The following OTOGL variants were observed in gnomAD, a reference collection of about 807,000 sequenced individuals.
OTOGL encodes otogelin-like protein.
Under a neutral mutation model 318.5 loss-of-function variants are expected in OTOGL, and 285 were observed. The ratio of observed to expected loss-of-function variants is 0.89; its 90% CI spans 0.81 to 0.99. The LOEUF (loss-of-function observed/expected upper bound fraction) is 0.99. OTOGL is among the 50% of genes least tolerant of loss of function. OTOGL has a pLI of 0.00. For missense variants in OTOGL, 2,899 were observed against 2,845.6 expected, an observed-to-expected ratio of 1.02 and a Z score of -0.43; for synonymous variants, 987 against 936.5, an observed-to-expected ratio of 1.05 and a Z score of -0.99.
intron 1 of OTOGL, among the ~76,000 whole-genome samples, chr12:80,205,274 T>C (rs940498633): frequency 2.0e-5 from 3 of 152,164 alleles, no homozygotes; most frequent in African/African-American, 4.8e-5. Context: ...GATGCTAAAA[T>C]GTTGACAAGA....
intron 1 of OTOGL, among the ~76,000 whole-genome samples, chr12:80,118,356 A>C (rs549505509): frequency 5.3e-5 from 8 of 152,278 alleles, no homozygotes; most frequent in African/African-American, 1.7e-4. Context: ...CTGATTTTGC[A>C]ATGATGGGTA....
At chr12:80,258,640 A>T (rs965225688) in intron 18 of OTOGL, among the ~76,000 whole-genome samples, 1 of 152,158 alleles carries the variant, frequency 6.6e-6, no homozygotes, top group Non-Finnish European at 1.5e-5. Context: ...TTATCATGCT[A>T]AAAGCACAAT....
At chr12:80,174,413 A>G (rs1379129048) in intron 1 of OTOGL, among the ~76,000 whole-genome samples, 1 of 152,200 alleles carries the variant, frequency 6.6e-6, no homozygotes, top group Non-Finnish European at 1.5e-5. Flanking sequence ...GTTTGCAAAA[A>G]CAAGCTTTAG....
At chr12:80,173,977 GA>G (rs1179450674) in intron 1 of OTOGL, among the ~76,000 whole-genome samples, 1 of 152,152 alleles carries the variant, frequency 6.6e-6, no homozygotes, top group Non-Finnish European at 1.5e-5. Context: ...TTCAATTTAA[GA>G]AAACATTGAG....
rs80100971 is a variant in OTOGL at position 80,156,647 on chromosome 12, C to T, written c.-19-52766C>T. ...CTCATGAGATCTGATCATTTTATAA[C>T]GAGGAGTTCCCCAGCACAAATTCCC... On this transcript the variant is annotated intron_variant, in intron 1 of 58. Coordinates refer to ENST00000547103, the MANE Select transcript of OTOGL (RefSeq NM_001378609.3). Among the ~76,000 whole-genome samples the T allele has an allele frequency of 3.5e-3, 540 of 152,132 alleles. 9 individuals carry two copies. Among genetic ancestry groups the T allele is most frequent in the Middle Eastern group, 0.024 (7 of 294 alleles).
In OTOGL at chr12:80,316,564, G is replaced by A. The variant is rs115052591; in HGVS notation, c.3635-1982G>A. On this transcript the variant is annotated intron_variant, in intron 32 of 58. Transcript: ENST00000547103. ...TTCTTCTAGTTTCATTTGTAATACC[G>A]TATTGATAATATCAGAGCATGAACA... 1.5e-3 allele frequency among the ~76,000 whole-genome samples: 222 copies of A among 152,182 alleles called. 4 individuals carry two copies. The highest frequency in any genetic ancestry group is 5.1e-3 in the African/African-American group (210 of 41,528).
chr12:80,143,648 G>A (rs1305242801), intron 1 of OTOGL, among the ~76,000 whole-genome samples: 1 of 152,132 alleles, frequency 6.6e-6, no homozygotes, highest in Non-Finnish European at 1.5e-5. Context: ...GCTCAAGTCA[G>A]AGGTTCATTT....
At chr12:80,158,479 G>T (rs1430100960) in intron 1 of OTOGL, among the ~76,000 whole-genome samples, 3 of 152,016 alleles carry the variant, frequency 2.0e-5, no homozygotes, top group Non-Finnish European at 4.4e-5. Flanking sequence ...AAATGGCCTT[G>T]CAGAATTGGT....
chr12:80,146,506 G>C (rs1270256673), intron 1 of OTOGL, among the ~76,000 whole-genome samples: 2 of 151,654 alleles, frequency 1.3e-5, no homozygotes, highest in Admixed American at 6.6e-5. Context: ...CAAGGATATT[G>C]GTCTAAAATT....
At chr12:80,141,672 G>A (rs1393267382) in intron 1 of OTOGL, among the ~76,000 whole-genome samples, 1 of 152,070 alleles carries the variant, frequency 6.6e-6, no homozygotes, top group Non-Finnish European at 1.5e-5. Context: ...TCCCAGTCTT[G>A]TTCCTGGGAT....
At chr12:80,106,553 A>T (rs1869465521) in intron 1 of OTOGL, among the ~76,000 whole-genome samples, 1 of 152,164 alleles carries the variant, frequency 6.6e-6, no homozygotes, top group Non-Finnish European at 1.5e-5. Context: ...ATTTTCAGGC[A>T]ACTGGCACAT....
intron 5 of OTOGL, among the ~76,000 whole-genome samples, chr12:80,218,326 A>T (rs1338415132): frequency 6.6e-6 from 1 of 152,224 alleles, no homozygotes; most frequent in South Asian, 2.1e-4. Context: ...TTTTTTCCTC[A>T]CTGAAGATAT....
intron 16 of OTOGL, among the ~76,000 whole-genome samples, chr12:80,256,085 G>A (rs1424804770): frequency 8.6e-5 from 13 of 151,924 alleles, no homozygotes; most frequent in African/African-American, 1.2e-4. Flanking sequence ...TATATTTAAT[G>A]TACTATATAA....
Position 80,355,923 on chromosome 12 carries a change from G to A in OTOGL, c.5781G>A (p.Trp1927Ter). 2 of 1,613,836 alleles carry A rather than the reference G, an allele frequency of 1.2e-6. No homozygotes were observed. The change falls in exon 47 of 59, where the codon TGG becomes TGA. Residue 1927 changes from tryptophan to a stop codon, truncating the protein, a stop_gained. Transcript: ENST00000547103. LOFTEE classifies it high-confidence loss of function. ...TTGTCATGGGCATCATTGATAAATG[G>A]ACCTGCTGTTCAAAGGAAGTTTGTG... Reference protein sequence around the residue: ...AEVVMGIIDKWTCCSKEVCGC... With the variant: ...AEVVMGIIDK
intron 1 of OTOGL, among the ~76,000 whole-genome samples, chr12:80,197,720 A>C (rs974627487): frequency 1.3e-5 from 2 of 152,248 alleles, no homozygotes; most frequent in African/African-American, 2.4e-5. Flanking sequence ...AGTATGGATA[A>C]GCAAAGAGAT....
At chr12:80,104,008 T>G (rs568234463) in intron 1 of OTOGL, among the ~76,000 whole-genome samples, 2 of 152,316 alleles carry the variant, frequency 1.3e-5, no homozygotes, top group Non-Finnish European at 2.9e-5. Flanking sequence ...GTTGACTTAA[T>G]CCCAACACCT....
intron 15 of OTOGL, 121 bp downstream of exon 15, chr12:80,254,691 G>A (rs1302353274): frequency 2.6e-6 from 2 of 761,698 alleles, no homozygotes; most frequent in Non-Finnish European, 4.0e-6. Flanking sequence ...ATCTGTAAAT[G>A]CAATTACTCA....
intron 19 of OTOGL, among the ~76,000 whole-genome samples, chr12:80,263,875 G>A (rs79392319): frequency 6.6e-6 from 1 of 151,886 alleles, no homozygotes; most frequent in African/African-American, 2.4e-5. Context: ...AGCCTCTTTG[G>A]TGTATTACTT....
rs574091624 is a variant in OTOGL at position 80,175,610 on chromosome 12, C to T, written c.-19-33803C>T. On this transcript the variant is annotated intron_variant, in intron 1 of 58. Coordinates refer to ENST00000547103, the MANE Select transcript of OTOGL (RefSeq NM_001378609.3). Reference sequence around the variant, plus strand: ...AAGCAAATTCTTCTTTTCATGCATCCTCAGGTTCTATATAAGCTTTTCCCA... The same window carrying T: ...AAGCAAATTCTTCTTTTCATGCATCTTCAGGTTCTATATAAGCTTTTCCCA... Among the ~76,000 whole-genome samples, 9 of 152,232 alleles carry T rather than the reference C, an allele frequency of 5.9e-5. No individual in the cohort carries two copies. The East Asian group carries it at 1.7e-3, about 29-fold the overall frequency.
Sources: allele counts gnomAD v4.1 joint callset (sites outside exome capture counted in the v4.1 genomes callset), GRCh38; gene constraint gnomAD v4.1.1; transcripts MANE v1.5; gene names NCBI Gene and HGNC (gene_info 2026-07-23, HGNC 2026-07-21).